The following CNTN5 variants were observed in gnomAD, a reference collection of about 807,000 sequenced individuals.
The protein encoded by CNTN5 is contactin-5.
In CNTN5, 77 loss-of-function variants were observed where a neutral mutation model predicts 129.1. The ratio of observed to expected loss-of-function variants is 0.60; its 90% CI spans 0.50 to 0.72. The LOEUF is 0.72. CNTN5 is among the 30% of genes least tolerant of loss of function. CNTN5 has a pLI of 0.00. For synonymous variants in CNTN5, 509 were observed against 465.6 expected (o/e 1.09, Z -1.20); for missense variants, 1,478 against 1,328.8 (o/e 1.11, Z -1.75).
chr11:100,348,087 C>T (rs1209600364), intron 23 of CNTN5, among the ~76,000 whole-genome samples: 1 of 151,888 alleles, frequency 6.6e-6, no homozygotes, highest in Admixed American at 6.6e-5. Context: ...ATAGTCTTGA[C>T]AATACATTAG....
Position 99,600,742 on chromosome 11 carries a change from G to A in CNTN5, c.55+44473G>A, listed in dbSNP as rs529121557. On this transcript the variant is annotated intron_variant, in intron 3 of 24. Coordinates refer to ENST00000524871, the MANE Select transcript of CNTN5 (RefSeq NM_014361.4). ...CACCAGTGTTGGAGCACCTAAATGA[G>A]GAATTTTAGCTTCTCCTTTCTTTTT... Among the ~76,000 whole-genome samples the A allele has an allele frequency of 5.7e-5, 6 of 106,106 alleles. No homozygotes were observed. In the East Asian group the frequency reaches 1.8e-3, roughly 31 times the overall value. The allele number at this position is 106,106 out of a possible 152,430, so 69.6% of individuals were successfully genotyped here.
intron 6 of CNTN5, among the ~76,000 whole-genome samples, chr11:99,859,171 A>G (rs1948131636): frequency 1.3e-5 from 2 of 152,210 alleles, no homozygotes; most frequent in Admixed American, 1.3e-4. Flanking sequence ...CATCTGAACC[A>G]TCCTGAGATT....
intron 2 of CNTN5, among the ~76,000 whole-genome samples, chr11:99,521,687 G>T (rs1468482059): frequency 6.6e-6 from 1 of 152,174 alleles, no homozygotes; most frequent in African/African-American, 2.4e-5. Context: ...AGTCCAAAGT[G>T]TATCTGTTGC....
intron 8 of CNTN5, among the ~76,000 whole-genome samples, chr11:99,974,115 C>T (rs1393765827): frequency 6.6e-6 from 1 of 152,202 alleles, no homozygotes; most frequent in Admixed American, 6.5e-5. Flanking sequence ...AACATTCTTC[C>T]TTTGCACCAG....
intron 1 of CNTN5, among the ~76,000 whole-genome samples, chr11:99,186,310 C>T (rs1032496456): frequency 6.6e-6 from 1 of 151,920 alleles, no homozygotes; most frequent in Non-Finnish European, 1.5e-5. Flanking sequence ...CATTATAGCA[C>T]TCATACCTTG....
intron 1 of CNTN5, among the ~76,000 whole-genome samples, chr11:99,209,291 G>A (rs1239397591): frequency 1.3e-5 from 2 of 152,098 alleles, no homozygotes; most frequent in Non-Finnish European, 2.9e-5. Context: ...AAGAAAAGAG[G>A]TTTAACTGTC....
chr11:100,232,708 C>T (rs2138653836), intron 16 of CNTN5, among the ~76,000 whole-genome samples: 1 of 152,268 alleles, frequency 6.6e-6, no homozygotes, highest in Admixed American at 6.5e-5. Flanking sequence ...ATGTGGCAGG[C>T]ATCGAGCTAT....
intron 1 of CNTN5, among the ~76,000 whole-genome samples, chr11:99,130,079 C>A (rs977174823): frequency 2.0e-5 from 3 of 152,096 alleles, no homozygotes; most frequent in Non-Finnish European, 4.4e-5. Flanking sequence ...AACCAGCCAA[C>A]ATTATGATGA....
intron 1 of CNTN5, among the ~76,000 whole-genome samples, chr11:99,259,835 G>A (rs994917736): frequency 6.6e-6 from 1 of 151,718 alleles, no homozygotes; most frequent in Non-Finnish European, 1.5e-5. Context: ...GACTCATGTG[G>A]TATAAAAACA....
At chr11:100,180,968 T>C (rs903749186) in intron 13 of CNTN5, among the ~76,000 whole-genome samples, 3 of 152,034 alleles carry the variant, frequency 2.0e-5, no homozygotes, top group African/African-American at 7.2e-5. Context: ...TGTTAAATGA[T>C]ACAGCCACCT....
intron 3 of CNTN5, among the ~76,000 whole-genome samples, chr11:99,638,047 A>G (rs1025632136): frequency 6.7e-6 from 1 of 150,034 alleles, no homozygotes; most frequent in Admixed American, 6.8e-5. Flanking sequence ...ATTTGTTTTT[A>G]CACTGCTGAT....
At chr11:99,991,225 T>C (rs746790085) in intron 8 of CNTN5, among the ~76,000 whole-genome samples, 2 of 152,078 alleles carry the variant, frequency 1.3e-5, no homozygotes, top group Non-Finnish European at 2.9e-5. Context: ...CCCAGCACTT[T>C]GGGAGGCCAA....
At chr11:99,896,646 A>G (rs1446218314) in intron 6 of CNTN5, among the ~76,000 whole-genome samples, 1 of 152,064 alleles carries the variant, frequency 6.6e-6, no homozygotes, top group Non-Finnish European at 1.5e-5. Flanking sequence ...AATATTCACA[A>G]TTGTTGCTTC....
chr11:99,659,484 A>C (rs1248108069), intron 3 of CNTN5, among the ~76,000 whole-genome samples: 2 of 152,180 alleles, frequency 1.3e-5, no homozygotes, highest in African/African-American at 4.8e-5. Flanking sequence ...TTAGTTCTTC[A>C]GAAAAACAGA....
intron 1 of CNTN5, among the ~76,000 whole-genome samples, chr11:99,079,845 T>G (rs748350524): frequency 3.0e-4 from 45 of 152,336 alleles, no homozygotes; most frequent in Non-Finnish European, 4.7e-4. Flanking sequence ...CTGACTGCCT[T>G]CAGATAGATC....
chr11:99,956,753 C>G, intron 7 of CNTN5, 53 bp from the exon 8 acceptor site: 1 of 1,339,168 alleles, frequency 7.5e-7, no homozygotes, highest in Non-Finnish European at 1.1e-6. Flanking sequence ...TGAGCTTTGT[C>G]TGTTAATGAA....
chr11:99,287,341 G>A (rs935616579), intron 1 of CNTN5, among the ~76,000 whole-genome samples: 2 of 152,072 alleles, frequency 1.3e-5, no homozygotes, highest in East Asian at 1.9e-4. Flanking sequence ...GATTTTAAAA[G>A]CATGTTTTAG....
intron 9 of CNTN5, among the ~76,000 whole-genome samples, chr11:100,054,447 A>G (rs1287273140): frequency 6.6e-6 from 1 of 151,822 alleles, no homozygotes; most frequent in Non-Finnish European, 1.5e-5. Flanking sequence ...TTCTTCTAAT[A>G]ATTCGATGAA....
At chr11:100,330,141 C>T (rs1220635975) in intron 21 of CNTN5, among the ~76,000 whole-genome samples, 1 of 152,074 alleles carries the variant, frequency 6.6e-6, no homozygotes, top group Non-Finnish European at 1.5e-5. Context: ...AAAAAAATCA[C>T]AACTTCTGGA....
Sources: allele counts gnomAD v4.1 joint callset (sites outside exome capture counted in the v4.1 genomes callset), GRCh38; gene constraint gnomAD v4.1.1; transcripts MANE v1.5; gene names NCBI Gene and HGNC (gene_info 2026-07-23, HGNC 2026-07-21).